CFAP299: variants seen among roughly 807,000 people sequenced by gnomAD.
The protein encoded by CFAP299 is cilia and flagella associated protein 299.
CFAP299 carries 21 observed loss-of-function variants against 27.0 expected under a neutral mutation model. That is an observed-to-expected ratio of 0.78 (90% confidence interval 0.55 to 1.12). The LOEUF (loss-of-function observed/expected upper bound fraction) is 1.12, where lower values mean the gene tolerates loss of function less well. Among genes scored for constraint, CFAP299 ranks in the 50% most tolerant of loss-of-function variants. CFAP299 has a pLI of 0.00. For synonymous variants in CFAP299, 104 were observed against 98.1 expected (o/e 1.06, Z -0.36); for missense variants, 310 against 276.6 (o/e 1.12, Z -0.86).
At chr4:80,811,931 A>G (rs1312517185) in intron 3 of CFAP299, among the ~76,000 whole-genome samples, 1 of 152,100 alleles carries the variant, frequency 6.6e-6, no homozygotes, top group Non-Finnish European at 1.5e-5. Context: ...AATACATAAA[A>G]TGCAATATAT....
the CFAP299 span, among the ~76,000 whole-genome samples, chr4:80,329,107 T>C: frequency 6.6e-6 from 1 of 151,520 alleles, no homozygotes; most frequent in African/African-American, 2.4e-5. Flanking sequence ...TCATCAGCCA[T>C]TGTTAGTGTT....
In CFAP299 at chr4:80,346,937, CTT is replaced by C. The variant is rs1440837811; in HGVS notation, c.111+11061_111+11062del. Reference sequence around the variant, plus strand: ...ATGTTCTTCCATTTGTTTGTGTCCTCTTTTATTTTGTTGAGCAGTGGTTTGTA... The same window carrying C: ...ATGTTCTTCCATTTGTTTGTGTCCTCTTATTTTGTTGAGCAGTGGTTTGTA... On this transcript the variant is annotated intron_variant, in intron 1 of 5. Transcript: ENST00000358105. 4.6e-5 allele frequency among the ~76,000 whole-genome samples: 7 copies of C among 152,260 alleles called. No homozygotes were observed. The East Asian group carries it at 1.4e-3, about 29-fold the overall frequency.
intron 3 of CFAP299, among the ~76,000 whole-genome samples, chr4:80,799,579 A>T (rs1283911802): frequency 7.1e-5 from 5 of 70,656 alleles, no homozygotes; most frequent in East Asian, 4.1e-4. Flanking sequence ...ATATATTTAT[A>T]AAATATATTA....
chr4:80,712,076 T>G (rs1182792566), intron 3 of CFAP299, among the ~76,000 whole-genome samples: 1 of 152,162 alleles, frequency 6.6e-6, no homozygotes, highest in Non-Finnish European at 1.5e-5. Flanking sequence ...ATCTCAAAAG[T>G]GTAATTAAGC....
At chr4:80,792,114 G>A (rs2110099623) in intron 3 of CFAP299, among the ~76,000 whole-genome samples, 1 of 151,978 alleles carries the variant, frequency 6.6e-6, no homozygotes, top group South Asian at 2.1e-4. Context: ...ATAAATTTCT[G>A]TATATAATAG....
At chr4:80,585,171 GAT>G (rs937675811) in intron 3 of CFAP299, among the ~76,000 whole-genome samples, 3 of 151,936 alleles carry the variant, frequency 2.0e-5, no homozygotes, top group Admixed American at 6.6e-5. Context: ...AGGATGCTGT[GAT>G]AGGATATAGT....
intron 3 of CFAP299, among the ~76,000 whole-genome samples, chr4:80,670,634 A>ATCC (rs1741422889): frequency 6.6e-6 from 1 of 152,168 alleles, no homozygotes; most frequent in African/African-American, 2.4e-5. Flanking sequence ...ATTTCTCCAC[A>ATCC]TCCTCTCCAG....
chr4:80,414,302 C>G (rs1271437955), intron 2 of CFAP299, among the ~76,000 whole-genome samples: 2 of 151,688 alleles, frequency 1.3e-5, no homozygotes, highest in East Asian at 3.9e-4. Context: ...GATCTCCTGA[C>G]CTCGTGATCC....
Position 80,682,353 on chromosome 4 carries a change from C to T in CFAP299, c.333+99170C>T, listed in dbSNP as rs374147759. Among the ~76,000 whole-genome samples, 5 of 152,162 alleles carry T rather than the reference C, an allele frequency of 3.3e-5. No homozygotes were observed. In the South Asian group the frequency reaches 8.3e-4, roughly 25 times the overall value. On this transcript the variant is annotated intron_variant, in intron 3 of 5. Coordinates refer to ENST00000358105, the MANE Select transcript of CFAP299 (RefSeq NM_152770.3). ...TTGTTTACTTTTTACTCTTTTGAAC[C>T]TACCTTCTCCCCTATCTGTTTTCTT...
At chr4:80,782,192 G>A (rs1254613018) in intron 3 of CFAP299, among the ~76,000 whole-genome samples, 1 of 151,892 alleles carries the variant, frequency 6.6e-6, no homozygotes, top group Non-Finnish European at 1.5e-5. Flanking sequence ...GCAAAAGTGA[G>A]ACATCTTCTT....
chr4:80,593,158 T>C (rs985825843), intron 3 of CFAP299, among the ~76,000 whole-genome samples: 15 of 152,184 alleles, frequency 9.9e-5, no homozygotes, highest in Non-Finnish European at 1.0e-4. Context: ...GGACCAACTG[T>C]AGGTGTCTGA....
At chr4:80,527,694 A>G (rs180788122) in intron 2 of CFAP299, among the ~76,000 whole-genome samples, 2 of 151,932 alleles carry the variant, frequency 1.3e-5, no homozygotes, top group Non-Finnish European at 1.5e-5. Flanking sequence ...TTATACTTCT[A>G]TTTATGTCTT....
At chr4:80,688,988 A>G (rs1720441712) in intron 3 of CFAP299, among the ~76,000 whole-genome samples, 1 of 152,204 alleles carries the variant, frequency 6.6e-6, no homozygotes, top group African/African-American at 2.4e-5. Context: ...AGGGAAGTTT[A>G]GAGAAAAAAG....
chr4:80,721,522 C>T (rs559854656), intron 3 of CFAP299, among the ~76,000 whole-genome samples: 63 of 152,206 alleles, frequency 4.1e-4, no homozygotes, highest in African/African-American at 1.4e-3. Flanking sequence ...CAGGGCCCAT[C>T]CTAATGACTT....
At chr4:80,757,205 A>G (rs939348238) in intron 3 of CFAP299, among the ~76,000 whole-genome samples, 10 of 152,044 alleles carry the variant, frequency 6.6e-5, no homozygotes, top group Non-Finnish European at 1.5e-5. Context: ...TCATTAATTC[A>G]CATAAGAGAA....
At chr4:80,697,392 G>C (rs1268099226) in intron 3 of CFAP299, among the ~76,000 whole-genome samples, 1 of 152,028 alleles carries the variant, frequency 6.6e-6, no homozygotes, top group Non-Finnish European at 1.5e-5. Context: ...TCATTGTTTT[G>C]GGTGTTTTCT....
intron 1 of CFAP299, among the ~76,000 whole-genome samples, chr4:80,359,814 T>C (rs1723454088): frequency 6.6e-6 from 1 of 152,228 alleles, no homozygotes; most frequent in South Asian, 2.1e-4. Flanking sequence ...TTCTGAATTC[T>C]ATTTCTGTCA....
At chr4:80,541,749 A>G (rs1734004538) in intron 2 of CFAP299, among the ~76,000 whole-genome samples, 1 of 152,210 alleles carries the variant, frequency 6.6e-6, no homozygotes, top group African/African-American at 2.4e-5. Flanking sequence ...TGAGGAGAAT[A>G]GACATTTAAT....
At chr4:80,662,347 A>G (rs1740894275) in intron 3 of CFAP299, among the ~76,000 whole-genome samples, 2 of 151,928 alleles carry the variant, frequency 1.3e-5, no homozygotes, top group Non-Finnish European at 2.9e-5. Flanking sequence ...TATTTCTCAG[A>G]CCAGGTGACA....
Sources: gnomAD v4.1 joint callset for allele counts (sites outside exome capture counted in the v4.1 genomes callset) on GRCh38, gnomAD v4.1.1 for gene constraint, MANE v1.5 for transcripts, NCBI Gene and HGNC (gene_info 2026-07-23, HGNC 2026-07-21) for gene names.